The following TFEC variants were observed in gnomAD, a reference collection of about 807,000 sequenced individuals.
The protein encoded by TFEC is class E basic helix-loop-helix protein 34.
TFEC carries 31 observed loss-of-function variants against 41.6 expected under a neutral mutation model. The observed-to-expected ratio is 0.74, with a 90% CI of 0.56 to 1.01. The LOEUF is 1.01. Among genes scored for constraint, TFEC ranks in the 50% least tolerant of loss-of-function variants. The pLI, the probability that TFEC is intolerant of heterozygous loss-of-function variation, is 0.00. For missense variants in TFEC, 402 were observed against 404.1 expected, an observed-to-expected ratio of 0.99 and a Z score of 0.04; for synonymous variants, 143 against 140.6, an observed-to-expected ratio of 1.02 and a Z score of -0.12.
intron 3 of TFEC, among the ~76,000 whole-genome samples, chr7:116,106,569 G>A (rs556081680): frequency 1.3e-5 from 2 of 152,170 alleles, no homozygotes; most frequent in African/African-American, 4.8e-5. Context: ...TTTGTTTTTA[G>A]TAGAGACAGG....
intron 1 of TFEC, among the ~76,000 whole-genome samples, chr7:115,995,169 G>A (rs1367533650): frequency 1.4e-5 from 2 of 148,136 alleles, no homozygotes; most frequent in Non-Finnish European, 3.0e-5. Flanking sequence ...GACACAGGGT[G>A]GGGAACATCA....
chr7:116,008,772 A>G (rs1203497880), intron 1 of TFEC, among the ~76,000 whole-genome samples: 2 of 152,222 alleles, frequency 1.3e-5, no homozygotes, highest in Non-Finnish European at 2.9e-5. Context: ...TGATTGAGAT[A>G]TAACTACTGA....
chr7:116,103,890 G>T (rs1020549226), intron 3 of TFEC, among the ~76,000 whole-genome samples: 3 of 152,022 alleles, frequency 2.0e-5, no homozygotes, highest in Non-Finnish European at 4.4e-5. Context: ...TAAAGAGGTC[G>T]CTACTAGTTA....
intron 1 of TFEC, among the ~76,000 whole-genome samples, chr7:116,007,001 G>T (rs747445240): frequency 3.3e-5 from 5 of 152,158 alleles, no homozygotes; most frequent in South Asian, 4.1e-4. Flanking sequence ...CCAGCCATGC[G>T]GAACTGTAAG....
At chr7:116,037,337 A>C (rs1795933804) in intron 3 of TFEC, among the ~76,000 whole-genome samples, 1 of 152,006 alleles carries the variant, frequency 6.6e-6, no homozygotes, top group African/African-American at 2.4e-5. Context: ...CCCTCCTAAA[A>C]ATCTAAGGCA....
At chr7:115,951,300 T>C (rs1344867537) in intron 5 of TFEC, among the ~76,000 whole-genome samples, 1 of 152,060 alleles carries the variant, frequency 6.6e-6, no homozygotes, top group Admixed American at 6.6e-5. Context: ...TCCATCAGGA[T>C]TGTAATCATT....
At chr7:116,001,356 G>T (rs1160890974) in intron 1 of TFEC, among the ~76,000 whole-genome samples, 6 of 151,942 alleles carry the variant, frequency 3.9e-5, no homozygotes, top group Non-Finnish European at 5.9e-5. Context: ...TTAACGAGAC[G>T]TGGCAGTGTG....
intron 3 of TFEC, among the ~76,000 whole-genome samples, chr7:116,038,990 T>C (rs1006033537): frequency 1.3e-5 from 2 of 152,040 alleles, no homozygotes; most frequent in South Asian, 2.1e-4. Flanking sequence ...CATATACAGA[T>C]TTTTAAAGGT....
chr7:116,026,428 C>T (rs1795588229), intron 1 of TFEC, among the ~76,000 whole-genome samples: 2 of 152,248 alleles, frequency 1.3e-5, no homozygotes, highest in Non-Finnish European at 2.9e-5. Context: ...GAACTGCTCA[C>T]TGGCAGGTAG....
At chr7:116,004,783 G>T (rs1295255569) in intron 1 of TFEC, among the ~76,000 whole-genome samples, 1 of 151,404 alleles carries the variant, frequency 6.6e-6, no homozygotes, top group Non-Finnish European at 1.5e-5. Flanking sequence ...GCCATCTCCT[G>T]GTTGGAAAAA....
At chr7:115,951,177 C>T (rs889192236) in intron 5 of TFEC, among the ~76,000 whole-genome samples, 4 of 152,082 alleles carry the variant, frequency 2.6e-5, no homozygotes, top group African/African-American at 2.4e-5. Context: ...CATTTTGTCA[C>T]AAAACATTTT....
chr7:116,044,468 A>T (rs1034533818), intron 3 of TFEC, among the ~76,000 whole-genome samples: 4 of 152,248 alleles, frequency 2.6e-5, no homozygotes, highest in Non-Finnish European at 5.9e-5. Flanking sequence ...AGTGTTATAG[A>T]CACAAGAACA....
intron 1 of TFEC, among the ~76,000 whole-genome samples, chr7:116,138,257 T>C (rs1018254539): frequency 1.3e-5 from 2 of 152,228 alleles, no homozygotes; most frequent in African/African-American, 4.8e-5. Flanking sequence ...AGGTGTTAGA[T>C]GTACATGGTA....
chr7:115,979,796 C>A (rs563314132), intron 2 of TFEC, among the ~76,000 whole-genome samples: 2 of 152,298 alleles, frequency 1.3e-5, no homozygotes, highest in South Asian at 4.1e-4. Flanking sequence ...TCCACCTTCA[C>A]TTTCGTATAC....
chr7:116,151,654 A>AT (rs1798764128), intron 1 of TFEC, among the ~76,000 whole-genome samples: 1 of 151,724 alleles, frequency 6.6e-6, no homozygotes, highest in Non-Finnish European at 1.5e-5. Context: ...GTTACAATGG[A>AT]ATTTTTTTTT....
intron 1 of TFEC, among the ~76,000 whole-genome samples, chr7:116,018,809 A>C (rs1024854159): frequency 1.3e-5 from 2 of 152,176 alleles, no homozygotes; most frequent in African/African-American, 4.8e-5. Context: ...TGCCAGCTGG[A>C]TAAGGTAGAG....
rs1374444435 is a variant in TFEC at position 115,936,108 on chromosome 7, T to C, written c.*4443A>G. 6.6e-6 allele frequency: 1 copy of C among 151,646 alleles called. No homozygotes were observed. The highest frequency in any genetic ancestry group is 1.5e-5 in the Non-Finnish European group (1 of 67,648). The allele number at this position is 151,646 out of a possible 1,614,324, so 9.4% of individuals were successfully genotyped here. On this transcript the variant is annotated 3_prime_UTR_variant, in exon 8 of 8. Transcript: ENST00000265440. Reference sequence around the variant, plus strand: ...CTATTTTTTCTGCTTTTGGATTGTTTCCTTGTTTTCAAATTAAAATTCATA... The same window carrying C: ...CTATTTTTTCTGCTTTTGGATTGTTCCCTTGTTTTCAAATTAAAATTCATA...
chr7:116,063,995 T>G (rs890502022), intron 3 of TFEC, among the ~76,000 whole-genome samples: 48 of 152,228 alleles, frequency 3.2e-4, no homozygotes, highest in African/African-American at 1.1e-3. Flanking sequence ...AGACAAACAC[T>G]GAATGATCTC....
intron 3 of TFEC, among the ~76,000 whole-genome samples, chr7:116,090,424 T>C (rs566223773): frequency 2.6e-5 from 4 of 152,200 alleles, no homozygotes; most frequent in African/African-American, 7.2e-5. Context: ...TTTCAGTAAA[T>C]CTCTGCTTTT....
Sources: gnomAD v4.1 joint callset for allele counts (sites outside exome capture counted in the v4.1 genomes callset) on GRCh38, gnomAD v4.1.1 for gene constraint, MANE v1.5 for transcripts, NCBI Gene and HGNC (gene_info 2026-07-23, HGNC 2026-07-21) for gene names.